RORA: variants seen among roughly 807,000 people sequenced by gnomAD.
RORA encodes the protein nuclear receptor ROR-alpha.
RORA carries 7 observed loss-of-function variants against 69.5 expected under a neutral mutation model. That is an observed-to-expected ratio of 0.10 (90% CI 0.06 to 0.19). The LOEUF (loss-of-function observed/expected upper bound fraction) is 0.19. Among genes scored for constraint, RORA ranks in the 10% least tolerant of loss-of-function variants. The probability of loss-of-function intolerance (pLI) is 1.00; values close to 1 mark genes in which losing one functional copy is unlikely to be tolerated. For synonymous variants in RORA, 261 were observed against 240.8 expected, an observed-to-expected ratio of 1.08 and a Z score of -0.78; for missense variants, 457 against 663.0, an observed-to-expected ratio of 0.69 and a Z score of 3.41.
chr15:61,011,419 A>G (rs1566942842), intron 1 of RORA, among the ~76,000 whole-genome samples: 2 of 152,202 alleles, frequency 1.3e-5, no homozygotes, highest in South Asian at 4.1e-4. Flanking sequence ...AAATGACAAA[A>G]GTTTTGCTTT....
At chr15:60,649,807 T>C (rs1434072331) in intron 2 of RORA, among the ~76,000 whole-genome samples, 2 of 152,158 alleles carry the variant, frequency 1.3e-5, no homozygotes, top group Non-Finnish European at 2.9e-5. Flanking sequence ...AATAGACCCC[T>C]CAAAAAGCAA....
intron 3 of RORA, chr15:60,530,856 T>C (rs903846565): frequency 1.3e-5 from 2 of 152,238 alleles, no homozygotes; most frequent in Non-Finnish European, 2.9e-5. Flanking sequence ...GCCTCCTGCA[T>C]GTTTAAATAG....
intron 1 of RORA, among the ~76,000 whole-genome samples, chr15:60,829,682 A>C (rs946224237): frequency 1.3e-5 from 2 of 152,246 alleles, no homozygotes; most frequent in African/African-American, 4.8e-5. Context: ...GGTAGGGCCC[A>C]GACACTTGAG....
intron 1 of RORA, among the ~76,000 whole-genome samples, chr15:60,951,643 C>T (rs1430084373): frequency 6.6e-6 from 1 of 151,716 alleles, no homozygotes; most frequent in Non-Finnish European, 1.5e-5. Flanking sequence ...AAACTACCAT[C>T]AGAGAATACT....
At chr15:60,972,895 A>G (rs1370995409) in intron 1 of RORA, among the ~76,000 whole-genome samples, 1 of 152,012 alleles carries the variant, frequency 6.6e-6, no homozygotes, top group Admixed American at 6.6e-5. Flanking sequence ...CTCTGACCTG[A>G]GTATACCTGA....
intron 2 of RORA, among the ~76,000 whole-genome samples, chr15:60,675,238 T>C (rs1372761716): frequency 6.6e-6 from 1 of 152,166 alleles, no homozygotes; most frequent in African/African-American, 2.4e-5. Flanking sequence ...CCGAAAATGA[T>C]ACTTATCTGC....
chr15:60,702,191 T>C (rs1443601344), intron 1 of RORA, among the ~76,000 whole-genome samples: 1 of 152,168 alleles, frequency 6.6e-6, no homozygotes, highest in African/African-American at 2.4e-5. Flanking sequence ...GAAATAATGA[T>C]GGTACTCTTC....
At chr15:60,618,269 G>A (rs2069308634) in intron 2 of RORA, among the ~76,000 whole-genome samples, 1 of 152,184 alleles carries the variant, frequency 6.6e-6, no homozygotes, top group South Asian at 2.1e-4. Flanking sequence ...CAGCATTCAA[G>A]ACTCAATCAA....
intron 2 of RORA, among the ~76,000 whole-genome samples, chr15:60,561,215 G>C (rs2067548539): frequency 6.6e-6 from 1 of 151,736 alleles, no homozygotes; most frequent in South Asian, 2.1e-4. Flanking sequence ...CCGAGTAGCT[G>C]GGACTACAGG....
chr15:60,969,181 C>T (rs1362768594), intron 1 of RORA, among the ~76,000 whole-genome samples: 1 of 152,176 alleles, frequency 6.6e-6, no homozygotes, highest in Non-Finnish European at 1.5e-5. Flanking sequence ...TGGAGACTGT[C>T]AAGCTTCTCC....
chr15:61,096,190 G>A (rs2078787514), intron 1 of RORA, among the ~76,000 whole-genome samples: 1 of 152,188 alleles, frequency 6.6e-6, no homozygotes, highest in African/African-American at 2.4e-5. Context: ...AGCCAGGTGT[G>A]AAGGCTCCTG....
At chr15:60,898,160 A>G (rs1482277775) in intron 1 of RORA, among the ~76,000 whole-genome samples, 2 of 152,188 alleles carry the variant, frequency 1.3e-5, no homozygotes. Context: ...TTACAGGCCA[A>G]AGAAGCAGAG....
At position 60,944,694 on chromosome 15, in the gene RORA, C is replaced by CAAA. The variant is rs58523588; in HGVS notation, c.167-266011_167-266009dup. 3.1e-5 allele frequency among the ~76,000 whole-genome samples: 3 copies of CAAA among 96,416 alleles called. No individual in the cohort carries two copies. The East Asian group carries it at 1.1e-3, about 35-fold the overall frequency. 63.3% of individuals were successfully genotyped at this position (96,416 alleles called of 152,430 possible). ...GAGCTGAGATCATACCACTGTACTCCAAAAAAAAAAAAAAAAAAAAGCAGC... is the reference window on the plus strand; with the variant it reads ...GAGCTGAGATCATACCACTGTACTCCAAAAAAAAAAAAAAAAAAAAAAAGCAGC... On this transcript the variant is annotated intron_variant, in intron 1 of 10. Coordinates refer to ENST00000335670, the MANE Select transcript of RORA (RefSeq NM_134261.3).
At chr15:60,728,877 T>G (rs2071396067) in intron 1 of RORA, among the ~76,000 whole-genome samples, 1 of 152,218 alleles carries the variant, frequency 6.6e-6, no homozygotes, top group East Asian at 1.9e-4. Context: ...GTGCAGATTT[T>G]TAAAAACTTT....
intron 8 of RORA, among the ~76,000 whole-genome samples, chr15:60,501,589 T>C (rs1407286351): frequency 6.6e-6 from 1 of 152,218 alleles, no homozygotes; most frequent in African/African-American, 2.4e-5. Context: ...TTTTAACCTA[T>C]AGAGTCTAAT....
chr15:61,159,676 G>A (rs1437169885), intron 1 of RORA, among the ~76,000 whole-genome samples: 1 of 152,168 alleles, frequency 6.6e-6, no homozygotes, highest in Non-Finnish European at 1.5e-5. Flanking sequence ...TATTGACTGT[G>A]GATAATAATG....
chr15:60,640,627 T>A (rs1454749617), intron 2 of RORA, among the ~76,000 whole-genome samples: 3 of 151,284 alleles, frequency 2.0e-5, no homozygotes, highest in Non-Finnish European at 1.5e-5. Flanking sequence ...TTCTATAAAA[T>A]TTTTTTTTTC....
chr15:60,862,537 T>C (rs549376517), intron 1 of RORA, among the ~76,000 whole-genome samples: 30 of 152,286 alleles, frequency 2.0e-4, no homozygotes, highest in African/African-American at 6.7e-4. Flanking sequence ...GAAAGCAATA[T>C]GGCAGACACT....
At chr15:61,165,246 T>C (rs2079531294) in intron 1 of RORA, among the ~76,000 whole-genome samples, 1 of 152,200 alleles carries the variant, frequency 6.6e-6, no homozygotes, top group Admixed American at 6.5e-5. Context: ...TCCACGAGAT[T>C]TGGGCTAGAA....
Sources: gnomAD v4.1 joint callset for allele counts (sites outside exome capture counted in the v4.1 genomes callset) on GRCh38, gnomAD v4.1.1 for gene constraint, MANE v1.5 for transcripts, NCBI Gene and HGNC (gene_info 2026-07-23, HGNC 2026-07-21) for gene names.